The following HS3ST4 variants were observed in gnomAD, a reference collection of about 807,000 sequenced individuals.
HS3ST4 encodes the protein heparan sulfate-glucosamine 3-sulfotransferase 4.
In HS3ST4, 17 loss-of-function variants were observed where a neutral mutation model predicts 29.2. The observed-to-expected ratio is 0.58, with a 90% CI of 0.40 to 0.87. The LOEUF is 0.87. HS3ST4 is among the 40% of genes least tolerant of loss of function. The pLI is 0.00. For missense variants in HS3ST4, 627 were observed against 634.5 expected, an observed-to-expected ratio of 0.99 and a Z score of 0.13; for synonymous variants, 314 against 285.7, an observed-to-expected ratio of 1.10 and a Z score of -1.00.
intron 1 of HS3ST4, among the ~76,000 whole-genome samples, chr16:25,788,544 C>CTTTT (rs565611368): frequency 1.6e-5 from 2 of 123,570 alleles, no homozygotes; most frequent in Non-Finnish European, 3.2e-5. Context: ...TTTCTTCTTT[C>CTTTT]TTTTTTTTTT....
intron 1 of HS3ST4, among the ~76,000 whole-genome samples, chr16:25,885,878 G>A (rs1967944419): frequency 6.6e-6 from 1 of 151,956 alleles, no homozygotes; most frequent in African/African-American, 2.4e-5. Context: ...AGAAGAAAAA[G>A]TATTATACTT....
intron 1 of HS3ST4, among the ~76,000 whole-genome samples, chr16:25,994,581 A>T (rs1306887088): frequency 1.3e-5 from 2 of 152,136 alleles, no homozygotes; most frequent in South Asian, 2.1e-4. Flanking sequence ...AGAAGTATTT[A>T]TGTCTTTAAA....
At chr16:25,799,962 C>T (rs543047039) in intron 1 of HS3ST4, among the ~76,000 whole-genome samples, 8 of 152,146 alleles carry the variant, frequency 5.3e-5, no homozygotes, top group East Asian at 3.9e-4. Flanking sequence ...GTGATCCTTC[C>T]GCATAGCTGG....
Position 25,858,453 on chromosome 16 carries a change from A to G in HS3ST4, c.734+165302A>G, listed in dbSNP as rs148357323. Reference sequence around the variant, plus strand: ...TGTAATTTTCTGTGGTAGGGCATTCACTTTGTCTCCTCCTTAATTTTTCTT... The same window carrying G: ...TGTAATTTTCTGTGGTAGGGCATTCGCTTTGTCTCCTCCTTAATTTTTCTT... On this transcript the variant is annotated intron_variant, in intron 1 of 1. Coordinates refer to ENST00000331351, the MANE Select transcript of HS3ST4 (RefSeq NM_006040.3). Among the ~76,000 whole-genome samples the G allele has an allele frequency of 9.2e-4, 140 of 152,278 alleles. 1 individual carries two copies. In the East Asian group the frequency reaches 0.012, roughly 13 times the overall value.
intron 1 of HS3ST4, among the ~76,000 whole-genome samples, chr16:25,703,415 C>T (rs796829675): frequency 2.6e-5 from 4 of 152,272 alleles, no homozygotes; most frequent in African/African-American, 9.6e-5. Flanking sequence ...ACTGGCACCT[C>T]GTGAGATAGG....
intron 1 of HS3ST4, among the ~76,000 whole-genome samples, chr16:26,091,012 G>T (rs1323002561): frequency 2.0e-5 from 3 of 152,150 alleles, no homozygotes; most frequent in East Asian, 3.9e-4. Context: ...TCCTTAAATA[G>T]CCCATAAAAT....
intron 1 of HS3ST4, among the ~76,000 whole-genome samples, chr16:25,796,073 C>A (rs560082308): frequency 2.0e-5 from 3 of 152,118 alleles, no homozygotes; most frequent in African/African-American, 7.2e-5. Context: ...CCTTCTGTCT[C>A]GGATATTTCC....
chr16:26,099,833 C>T (rs1283247678), intron 1 of HS3ST4, among the ~76,000 whole-genome samples: 1 of 152,050 alleles, frequency 6.6e-6, no homozygotes, highest in Non-Finnish European at 1.5e-5. Context: ...ATGCCCACAC[C>T]TGCACATATC....
intron 1 of HS3ST4, among the ~76,000 whole-genome samples, chr16:25,941,990 A>G (rs1046225056): frequency 3.9e-5 from 6 of 152,202 alleles, no homozygotes; most frequent in African/African-American, 1.4e-4. Context: ...GGCTCATTCA[A>G]TATTTGTTTA....
chr16:25,820,747 T>G (rs1480559363), intron 1 of HS3ST4, among the ~76,000 whole-genome samples: 4 of 152,054 alleles, frequency 2.6e-5, no homozygotes, highest in Non-Finnish European at 4.4e-5. Context: ...TTTTTTAAAT[T>G]TTTTGTAGAG....
chr16:26,051,883 TCCC>T (rs1898350857), intron 1 of HS3ST4, among the ~76,000 whole-genome samples: 1 of 70,602 alleles, frequency 1.4e-5, no homozygotes, highest in African/African-American at 8.1e-5. Context: ...CCTCCCTGCC[TCCC>T]TCCCTCCCTC....
intron 1 of HS3ST4, among the ~76,000 whole-genome samples, chr16:26,037,338 C>T (rs749162911): frequency 2.6e-5 from 4 of 152,184 alleles, no homozygotes; most frequent in Non-Finnish European, 5.9e-5. Context: ...GCCCAAGTTG[C>T]CTCTTTCTTG....
At chr16:25,830,785 C>T (rs554497109) in intron 1 of HS3ST4, among the ~76,000 whole-genome samples, 226 of 151,986 alleles carry the variant, frequency 1.5e-3, no homozygotes, top group African/African-American at 5.2e-3. Context: ...ACAGCTCAGT[C>T]ACTGTTCCAA....
At chr16:26,084,308 C>T (rs765971583) in intron 1 of HS3ST4, among the ~76,000 whole-genome samples, 1 of 152,218 alleles carries the variant, frequency 6.6e-6, no homozygotes, top group African/African-American at 2.4e-5. Flanking sequence ...GAGGCTCCAG[C>T]TTATCCTCCA....
At chr16:26,026,934 G>T (rs906689894) in intron 1 of HS3ST4, among the ~76,000 whole-genome samples, 8 of 152,170 alleles carry the variant, frequency 5.3e-5, no homozygotes, top group Non-Finnish European at 1.2e-4. Context: ...GCGTGCACAT[G>T]AATCCGTAGG....
intron 1 of HS3ST4, among the ~76,000 whole-genome samples, chr16:26,116,562 A>G (rs991682426): frequency 6.7e-6 from 1 of 150,336 alleles, no homozygotes; most frequent in African/African-American, 2.4e-5. Flanking sequence ...AAATAAATTT[A>G]AAGAAAAATA....
At chr16:25,952,176 A>G (rs997946889) in intron 1 of HS3ST4, among the ~76,000 whole-genome samples, 8 of 152,186 alleles carry the variant, frequency 5.3e-5, no homozygotes, top group Non-Finnish European at 8.8e-5. Context: ...AGCATGAGTC[A>G]TAAAGCTGGA....
chr16:25,909,415 C>T (rs1033326137), intron 1 of HS3ST4, among the ~76,000 whole-genome samples: 44 of 152,116 alleles, frequency 2.9e-4, no homozygotes, highest in Admixed American at 2.3e-3. Context: ...TCTTGAGCTC[C>T]TGGACATGCC....
At chr16:25,824,484 A>C (rs905619517) in intron 1 of HS3ST4, among the ~76,000 whole-genome samples, 3 of 152,206 alleles carry the variant, frequency 2.0e-5, no homozygotes, top group Admixed American at 6.5e-5. Context: ...CATGTCTTAC[A>C]TGGCAGCAGG....
Sources: allele counts gnomAD v4.1 joint callset (sites outside exome capture counted in the v4.1 genomes callset), GRCh38; gene constraint gnomAD v4.1.1; transcripts MANE v1.5; gene names NCBI Gene and HGNC (gene_info 2026-07-23, HGNC 2026-07-21).